The following ATP2B2 variants were observed in gnomAD, a reference collection of about 807,000 sequenced individuals.
ATP2B2 encodes plasma membrane calcium-transporting ATPase 2.
ATP2B2 carries 15 observed loss-of-function variants against 120.0 expected under a neutral mutation model. The observed-to-expected ratio is 0.12, with a 90% CI of 0.08 to 0.19. The LOEUF is 0.19. Ranked by LOEUF, ATP2B2 falls within the 10% of genes least tolerant of loss-of-function variation. The pLI is 1.00. For missense variants in ATP2B2, 1,045 were observed against 1,719.8 expected (o/e 0.61, Z 6.94); for synonymous variants, 694 against 700.3 (o/e 0.99, Z 0.14).
chr3:10,565,886 C>T (rs2067999628), intron 2 of ATP2B2, among the ~76,000 whole-genome samples: 1 of 152,116 alleles, frequency 6.6e-6, no homozygotes, highest in South Asian at 2.1e-4. Flanking sequence ...ACTCTCTGTG[C>T]CTCATCATTT....
chr3:10,508,259 C>A (rs1203988726), upstream of ATP2B2, among the ~76,000 whole-genome samples: 1 of 152,184 alleles, frequency 6.6e-6, no homozygotes, highest in East Asian at 1.9e-4. Flanking sequence ...TGTGGGTATA[C>A]CCCAGTTCTA....
intron 2 of ATP2B2, among the ~76,000 whole-genome samples, chr3:10,431,290 A>T (rs1326267463): frequency 2.0e-5 from 3 of 152,234 alleles, no homozygotes; most frequent in Admixed American, 2.0e-4. Context: ...GCTATCAAAC[A>T]GCATCGCATG....
chr3:10,380,054 C>T (rs1231402417), intron 8 of ATP2B2, among the ~76,000 whole-genome samples: 1 of 152,220 alleles, frequency 6.6e-6, no homozygotes, highest in Non-Finnish European at 1.5e-5. Context: ...AATGGGGGTG[C>T]TGACCCCTTG....
intron 2 of ATP2B2, among the ~76,000 whole-genome samples, chr3:10,551,395 C>A (rs367745767): frequency 6.6e-6 from 1 of 152,298 alleles, no homozygotes; most frequent in South Asian, 2.1e-4. Context: ...GGGGCCAAAG[C>A]GGCCAAGCTC....
intron 12 of ATP2B2, among the ~76,000 whole-genome samples, chr3:10,367,285 C>A (rs918220738): frequency 6.6e-6 from 1 of 151,948 alleles, no homozygotes; most frequent in African/African-American, 2.4e-5. Flanking sequence ...CCCCTGCCTG[C>A]TTGGTGAATT....
intron 21 of ATP2B2, among the ~76,000 whole-genome samples, chr3:10,339,777 C>T (rs1225826242): frequency 6.6e-6 from 1 of 152,170 alleles, no homozygotes; most frequent in Non-Finnish European, 1.5e-5. Flanking sequence ...AGCCGGCCAC[C>T]AGCGCCCGCA....
intron 9 of ATP2B2, among the ~76,000 whole-genome samples, chr3:10,378,667 C>T (rs946509268): frequency 6.6e-6 from 1 of 152,214 alleles, no homozygotes; most frequent in Non-Finnish European, 1.5e-5. Context: ...TGCTGTTACC[C>T]TGGATCCCCC....
chr3:10,649,747 AT>A (rs1482196265), intron 1 of ATP2B2, among the ~76,000 whole-genome samples: 1 of 152,188 alleles, frequency 6.6e-6, no homozygotes, highest in Non-Finnish European at 1.5e-5. Flanking sequence ...AGGTAATTGA[AT>A]CATGGGGGCG....
chr3:10,416,143 G>A (rs1388292024), intron 2 of ATP2B2, among the ~76,000 whole-genome samples: 1 of 152,256 alleles, frequency 6.6e-6, no homozygotes, highest in Non-Finnish European at 1.5e-5. Flanking sequence ...TTTTTCAACT[G>A]TGGGCAGAAT....
At chr3:10,400,532 CT>C (rs2062182172) in intron 5 of ATP2B2, among the ~76,000 whole-genome samples, 1 of 151,614 alleles carries the variant, frequency 6.6e-6, no homozygotes, top group Non-Finnish European at 1.5e-5. Context: ...CTCCTCAGGG[CT>C]GGGCCTTCCC....
chr3:10,408,889 C>T (rs2062510683), intron 3 of ATP2B2, among the ~76,000 whole-genome samples: 1 of 152,304 alleles, frequency 6.6e-6, no homozygotes, highest in African/African-American at 2.4e-5. Context: ...TGAGGAAACG[C>T]AGCTGAGGGA....
At chr3:10,705,695 G>A (rs2071885964) in intron 1 of ATP2B2, among the ~76,000 whole-genome samples, 1 of 152,302 alleles carries the variant, frequency 6.6e-6, no homozygotes, top group South Asian at 2.1e-4. Flanking sequence ...GCATTGTGAG[G>A]ATTAAATCAG....
rs150098704 is a variant in ATP2B2 at position 10,646,617 on chromosome 3, C to T, written c.-459-26656G>A. On this transcript the variant is annotated intron_variant, in intron 1 of 21. Transcript: ENST00000646379. Reference sequence around the variant, plus strand: ...CCTCCTCTTTACCCCCAAAGCCCCTCCCTGGCGCCACCCACCCAGCGGACA... The same window carrying T: ...CCTCCTCTTTACCCCCAAAGCCCCTTCCTGGCGCCACCCACCCAGCGGACA... Among the ~76,000 whole-genome samples the T allele has an allele frequency of 1.5e-4, 23 of 152,252 alleles. 1 individual carries two copies. The East Asian group carries it at 3.7e-3, about 24-fold the overall frequency.
At chr3:10,535,521 T>C (rs930679340) in intron 2 of ATP2B2, among the ~76,000 whole-genome samples, 4 of 152,202 alleles carry the variant, frequency 2.6e-5, no homozygotes, top group African/African-American at 4.8e-5. Context: ...TACCCTGTTA[T>C]AGTCATGCCC....
At chr3:10,695,845 T>C (rs2125716634) in intron 1 of ATP2B2, among the ~76,000 whole-genome samples, 1 of 152,336 alleles carries the variant, frequency 6.6e-6, no homozygotes, top group East Asian at 1.9e-4. Flanking sequence ...GATACAGCAG[T>C]GCAGGAGGCA....
At chr3:10,605,129 CCACTCCACATCTCTAGGGAATAACA>C (rs1189912571) in intron 2 of ATP2B2, among the ~76,000 whole-genome samples, 18 of 152,194 alleles carry the variant, frequency 1.2e-4, no homozygotes, top group African/African-American at 4.1e-4. Flanking sequence ...GAGTATGAGC[CCACTCCACATCTCTAGGGAATAACA>C]CACTAACTAC....
At chr3:10,331,196 C>T (rs2059969598) in intron 22 of ATP2B2, among the ~76,000 whole-genome samples, 1 of 152,218 alleles carries the variant, frequency 6.6e-6, no homozygotes, top group South Asian at 2.1e-4. Flanking sequence ...CTGCTCTGAG[C>T]TCTTTCCCCC....
At chr3:10,553,816 G>A (rs548830541) in intron 2 of ATP2B2, among the ~76,000 whole-genome samples, 6 of 152,242 alleles carry the variant, frequency 3.9e-5, no homozygotes, top group South Asian at 2.1e-4. Context: ...TTCTGGGCCC[G>A]TTACTAAGGG....
intron 1 of ATP2B2, among the ~76,000 whole-genome samples, chr3:10,490,074 G>A (rs1263337031): frequency 1.3e-5 from 2 of 152,198 alleles, no homozygotes; most frequent in East Asian, 3.9e-4. Context: ...TGCCCTCGTG[G>A]GGCCCTCTTG....
Sources: gnomAD v4.1 joint callset for allele counts (sites outside exome capture counted in the v4.1 genomes callset) on GRCh38, gnomAD v4.1.1 for gene constraint, MANE v1.5 for transcripts, NCBI Gene and HGNC (gene_info 2026-07-23, HGNC 2026-07-21) for gene names.